Variants in GTPBP1 observed in about 807,000 individuals in gnomAD.
GTPBP1 encodes the protein GTP-binding protein 1.
Under a neutral mutation model 62.0 loss-of-function variants are expected in GTPBP1, and 23 were observed. The ratio of observed to expected loss-of-function variants is 0.37; its 90% confidence interval spans 0.27 to 0.53. GTPBP1 has a LOEUF of 0.53. Ranked by LOEUF, GTPBP1 falls within the 20% of genes least tolerant of loss-of-function variation. The pLI is 0.89. For synonymous variants in GTPBP1, 344 were observed against 364.4 expected (o/e 0.94, Z 0.64); for missense variants, 640 against 917.3 (o/e 0.70, Z 3.90).
downstream of GTPBP1, chr22:38,742,856 G>C (rs2092871590): frequency 2.9e-6 from 1 of 340,282 alleles, no homozygotes; most frequent in East Asian, 6.2e-5. Flanking sequence ...TGAGTGCAGG[G>C]ATGGTCCAGG....
downstream of GTPBP1, chr22:38,735,451 C>T (rs2092795687): frequency 9.7e-6 from 3 of 310,146 alleles, no homozygotes; most frequent in South Asian, 7.5e-5. Flanking sequence ...TCTAGGTCTC[C>T]ATACCCTGGG....
chr22:38,729,541 T>G lies in GTPBP1; in HGVS notation c.1796T>G (p.Leu599Arg). Reference protein sequence around the residue: ...IKMQSTKKGPLTKRDEGGPSG... With the variant: ...IKMQSTKKGPRTKRDEGGPSG... ...ATGCAGTCGACGAAAAAGGGCCCCCTGACGAAACGAGACGAGGGGGGCCCG... is the reference window on the plus strand; with the variant it reads ...ATGCAGTCGACGAAAAAGGGCCCCCGGACGAAACGAGACGAGGGGGGCCCG... Residue 599 changes from leucine (L) to arginine (R), a missense_variant, in exon 11 of 12, where the codon CTG becomes CGG. Leu to Arg is a moderately radical substitution (Grantham distance 102, BLOSUM62 -2). Transcript: ENST00000216044. 6.2e-7 allele frequency: 1 copy of G among 1,608,114 alleles called. No homozygotes were observed. Among genetic ancestry groups the G allele is most frequent in the South Asian group, 1.1e-5 (1 of 90,370 alleles).
chr22:38,719,452 C>T (rs539544631), intron 4 of GTPBP1, among the ~76,000 whole-genome samples: 5 of 152,176 alleles, frequency 3.3e-5, no homozygotes, highest in South Asian at 4.2e-4. Flanking sequence ...GGACCACAGG[C>T]GTGCACAACC....
rs1754099377 is a variant in GTPBP1 at position 38,706,038 on chromosome 22, C to T, written c.83C>T (p.Ala28Val). ...GCCCCCGAGCCCAGCTCCCCGGGGG[C>T]GGCCAGGGCCGCGGCGGCCGCCGCC... is the stretch of plus-strand genomic sequence containing the variant. ...MFAPEPSSPG[A>V]ARAAAAAARL... Residue 28 changes from alanine to valine, a missense_variant, in exon 1 of 12, where the codon GCG becomes GTG. This residue lies in a region of GTPBP1 where 215 missense variants were observed against 235.1 expected (regional missense o/e 0.91). Transcript: ENST00000216044. 1 of 1,380,080 alleles carries T rather than the reference C, an allele frequency of 7.2e-7. No individual in the cohort carries two copies. The highest frequency in any genetic ancestry group is 1.5e-5 in the African/African-American group (1 of 65,622). 85.5% of individuals were successfully genotyped at this position (1,380,080 alleles called of 1,614,324 possible). A position where few individuals can be genotyped will look rare whatever the true frequency, so the allele number is the denominator to read the frequency against.
At chr22:38,741,273 C>T (rs1331532989), downstream of GTPBP1, among the ~76,000 whole-genome samples, 2 of 152,202 alleles carry the variant, frequency 1.3e-5, no homozygotes, top group African/African-American at 4.8e-5. Flanking sequence ...AGCACATGCA[C>T]ACCAGCATGA....
chr22:38,706,316 C>T (rs1017086745), intron 1 of GTPBP1, among the ~76,000 whole-genome samples, 169 bp downstream of exon 1: 6 of 152,198 alleles, frequency 3.9e-5, no homozygotes, highest in Admixed American at 1.3e-4. Context: ...GGGTTCGCGG[C>T]GCGAGGGGCC....
At chr22:38,733,813 G>A (rs2092777872), downstream of GTPBP1, among the ~76,000 whole-genome samples, 1 of 152,244 alleles carries the variant, frequency 6.6e-6, no homozygotes, top group Non-Finnish European at 1.5e-5. Flanking sequence ...GGAGCCGGCA[G>A]TGTGAGGGCT....
In GTPBP1 at chr22:38,716,112, G is replaced by C; in HGVS notation, c.485+25G>C. ...GGTGAGGAGGCCGCGGGACATTTTG[G>C]GGTCCCCATTCTTCACAGAGGTTGG... On this transcript the variant is annotated intron_variant, in intron 3 of 11. Transcript: ENST00000216044. This position sits in a 1 kb window ranked among gnomAD's most constrained non-coding sequence, Gnocchi z 5.2. 1 of 1,548,976 alleles carries C rather than the reference G, an allele frequency of 6.5e-7. No homozygotes were observed. Among genetic ancestry groups the C allele is most frequent in the Non-Finnish European group, 8.8e-7 (1 of 1,142,636 alleles).
rs1355192437 is a variant in GTPBP1, at chr22:38,732,459, C to T, written c.*1755C>T. On this transcript the variant is annotated 3_prime_UTR_variant, in exon 12 of 12. Coordinates refer to ENST00000216044, the MANE Select transcript of GTPBP1 (RefSeq NM_004286.5). ...CAAACCTTCTCTGAACCTCAGTTTT[C>T]TCATTTACAAGAGGCAAAGCCATCC... 3.3e-5 allele frequency: 5 copies of T among 152,238 alleles called. No homozygotes were observed. The highest frequency in any genetic ancestry group is 6.5e-5 in the Admixed American group (1 of 15,288). The allele number at this position is 152,238 out of a possible 1,614,324, so 9.4% of individuals were successfully genotyped here. A position where few individuals can be genotyped will look rare whatever the true frequency, so the allele number is the denominator to read the frequency against.
At chr22:38,739,331 A>T, downstream of GTPBP1, 1 of 1,612,754 alleles carries the variant, frequency 6.2e-7, no homozygotes, top group Non-Finnish European at 8.5e-7. The surrounding 1 kb of genome is among the most constrained non-coding windows in gnomAD (Gnocchi z 6.7). Flanking sequence ...CGAGGAAAGC[A>T]GAGCACGTAC....
chr22:38,724,187 A>G (rs1469602177), intron 5 of GTPBP1, 110 bp from the exon 6 acceptor site: 3 of 691,636 alleles, frequency 4.3e-6, no homozygotes, highest in Non-Finnish European at 8.0e-6. Context: ...TGGTCCATCT[A>G]TCTGTCTGTC....
At chr22:38,720,401 GT>G (rs1163917230) in intron 4 of GTPBP1, among the ~76,000 whole-genome samples, 1 of 136,480 alleles carries the variant, frequency 7.3e-6, no homozygotes, top group Non-Finnish European at 1.6e-5. Flanking sequence ...TTTTTTTTTT[GT>G]ATTTTTAGTA....
intron 10 of GTPBP1, 85 bp downstream of exon 10, chr22:38,728,246 T>G: frequency 1.1e-6 from 1 of 941,338 alleles, no homozygotes; most frequent in Non-Finnish European, 1.7e-6. Context: ...GGCAGAGGTT[T>G]AGTCACTGCC....
downstream of GTPBP1, chr22:38,739,198 G>A (rs1003654974): frequency 1.0e-5 from 10 of 1,004,608 alleles, no homozygotes; most frequent in African/African-American, 1.6e-4. This position sits in a 1 kb window ranked among gnomAD's most constrained non-coding sequence, Gnocchi z 6.7. Flanking sequence ...ATTGCCACTT[G>A]CCTTTGTCAT....
chr22:38,722,661 A>T, intron 5 of GTPBP1: 1 of 1,517,844 alleles, frequency 6.6e-7, no homozygotes, highest in Non-Finnish European at 9.0e-7. Flanking sequence ...TTCTACAGAT[A>T]ATCATCTATA....
At chr22:38,742,472 C>T (rs1367798964), downstream of GTPBP1, 2 of 1,613,684 alleles carry the variant, frequency 1.2e-6, no homozygotes, top group Middle Eastern at 1.6e-4. Flanking sequence ...TGGCCTCCTT[C>T]TGCCAGTTGG....
chr22:38,739,885 C>T (rs760492857), downstream of GTPBP1: 6 of 1,613,112 alleles, frequency 3.7e-6, no homozygotes, highest in African/African-American at 2.7e-5. The surrounding 1 kb of genome is among the most constrained non-coding windows in gnomAD (Gnocchi z 6.7). Flanking sequence ...GAGCCCCACG[C>T]GGCCCCCTCC....
downstream of GTPBP1, among the ~76,000 whole-genome samples, chr22:38,734,564 A>C (rs1479248932): frequency 6.6e-6 from 1 of 152,210 alleles, no homozygotes; most frequent in Non-Finnish European, 1.5e-5. Flanking sequence ...GACCTGCCTC[A>C]GGTCCCATCC....
chr22:38,720,412 A>G (rs1056267150), intron 4 of GTPBP1, among the ~76,000 whole-genome samples: 3 of 149,522 alleles, frequency 2.0e-5, no homozygotes, highest in African/African-American at 7.4e-5. Context: ...TATTTTTAGT[A>G]GAGAAGGGGT....
Sources: allele counts gnomAD v4.1 joint callset (sites outside exome capture counted in the v4.1 genomes callset), GRCh38; gene constraint gnomAD v4.1.1; regional missense constraint gnomAD v4.1.1; non-coding constraint Gnocchi (gnomAD v3.1); transcripts MANE v1.5; gene names NCBI Gene and HGNC (gene_info 2026-07-23, HGNC 2026-07-21).